DROSHA: variants seen among roughly 807,000 people sequenced by gnomAD.
The protein encoded by DROSHA is drosha ribonuclease III.
A neutral mutation model predicts 181.9 loss-of-function variants in DROSHA; 56 were observed. The observed-to-expected ratio is 0.31, with a 90% confidence interval of 0.25 to 0.38. The LOEUF (loss-of-function observed/expected upper bound fraction) is 0.38. Ranked by LOEUF, DROSHA falls within the 10% of genes least tolerant of loss-of-function variation. The pLI, the probability that DROSHA is intolerant of heterozygous loss-of-function variation, is 1.00. For synonymous variants in DROSHA, 524 were observed against 591.2 expected (o/e 0.89, Z 1.65); for missense variants, 1,218 against 1,743.5 (o/e 0.70, Z 5.37).
Position 31,449,276 on chromosome 5 carries a change from C to T in DROSHA, c.2821+5G>A, listed in dbSNP as rs1454527725. 1 of 1,613,758 alleles carries T rather than the reference C, an allele frequency of 6.2e-7. No individual in the cohort carries two copies. The highest frequency in any genetic ancestry group is 8.5e-7 in the Non-Finnish European group (1 of 1,179,786). On this transcript the variant is annotated splice_donor_5th_base_variant and intron_variant, in intron 22 of 35. Coordinates refer to ENST00000344624, the MANE Select transcript of DROSHA (RefSeq NM_001382508.1). ...GATTCACATCTTAAAATCATCCAGA[C>T]ATACCTTTCTTCCGCATGTGCATGT...
At chr5:31,475,919 A>C (rs1442270193) in intron 16 of DROSHA, among the ~76,000 whole-genome samples, 1 of 152,194 alleles carries the variant, frequency 6.6e-6, no homozygotes, top group Non-Finnish European at 1.5e-5. Context: ...GACTGGGGAG[A>C]GCAAATTTAA....
At chr5:31,432,812 T>G (rs1034012376) in intron 25 of DROSHA, among the ~76,000 whole-genome samples, 2 of 152,228 alleles carry the variant, frequency 1.3e-5, no homozygotes, top group Non-Finnish European at 2.9e-5. Flanking sequence ...TACTTTGATC[T>G]CTGTGGCTGC....
intron 24 of DROSHA, among the ~76,000 whole-genome samples, chr5:31,436,262 T>C (rs747431984): frequency 6.6e-6 from 1 of 152,128 alleles, no homozygotes; most frequent in Non-Finnish European, 1.5e-5. Flanking sequence ...ATTATGTCCA[T>C]CTTGTGAAAA....
intron 28 of DROSHA, 26 bp downstream of exon 28, chr5:31,424,401 A>T: frequency 6.3e-7 from 1 of 1,591,992 alleles, no homozygotes. Flanking sequence ...TATAAAGCTC[A>T]CTGCAGACAG....
intron 23 of DROSHA, among the ~76,000 whole-genome samples, chr5:31,441,381 A>G (rs776019979): frequency 6.6e-6 from 1 of 152,188 alleles, no homozygotes; most frequent in Non-Finnish European, 1.5e-5. Flanking sequence ...ATTGCACTCC[A>G]GCCTGGATGA....
intron 35 of DROSHA, among the ~76,000 whole-genome samples, chr5:31,404,825 CAAT>C (rs146602187): frequency 6.6e-6 from 1 of 151,762 alleles, no homozygotes; most frequent in East Asian, 1.9e-4. Context: ...AAATGTCCAC[CAAT>C]AATAAAAAGG....
chr5:31,525,429 A>G (rs2150063426), intron 5 of DROSHA, among the ~76,000 whole-genome samples: 1 of 143,440 alleles, frequency 7.0e-6, no homozygotes, highest in East Asian at 2.2e-4. Flanking sequence ...GCTTGAACCC[A>G]GGAGGTGGAG....
intron 35 of DROSHA, among the ~76,000 whole-genome samples, chr5:31,403,473 C>T (rs971659942): frequency 1.3e-5 from 2 of 152,096 alleles, no homozygotes; most frequent in African/African-American, 4.8e-5. Flanking sequence ...AATCATTACT[C>T]ATTGGGAAAG....
Position 31,515,047 on chromosome 5 carries a change from C to G in DROSHA, c.1231G>C (p.Val411Leu). The G allele has an allele frequency of 6.2e-7, 1 of 1,614,016 alleles. No individual in the cohort carries two copies. Among genetic ancestry groups the G allele is most frequent in the Middle Eastern group, 1.6e-4 (1 of 6,062 alleles). Reference protein sequence around the residue: ...EEEEEELLKPVWIRCTHSENY... With the variant: ...EEEEEELLKPLWIRCTHSENY... ...TCTGAATGAGTGCATCGAATCCACACAGGCTTAAGAAGTTCTTCTTCTTCC... is the reference window on the plus strand; with the variant it reads ...TCTGAATGAGTGCATCGAATCCACAGAGGCTTAAGAAGTTCTTCTTCTTCC... The change falls in exon 8 of 36, where the codon GTG becomes CTG. Residue 411 changes from valine to leucine, a missense_variant. By Grantham distance (32) the Val-to-Leu change is conservative. Transcript: ENST00000344624.
chr5:31,449,181 A>G, intron 22 of DROSHA, 100 bp downstream of exon 22: 1 of 1,465,468 alleles, frequency 6.8e-7, no homozygotes, highest in East Asian at 2.4e-5. Flanking sequence ...TGAGACGGTG[A>G]AAGAGTCACC....
At chr5:31,408,423 C>T (rs1322572249) in intron 33 of DROSHA, among the ~76,000 whole-genome samples, 1 of 152,174 alleles carries the variant, frequency 6.6e-6, no homozygotes, top group Non-Finnish European at 1.5e-5. Context: ...ATGTGTGTCT[C>T]AAGATAATTA....
intron 3 of DROSHA, 79 bp from the exon 4 acceptor site, chr5:31,529,184 A>T: frequency 3.9e-6 from 5 of 1,288,568 alleles, no homozygotes; most frequent in Middle Eastern, 1.9e-4. Context: ...TGCAATTACC[A>T]TAACACTAAT....
rs1742632322 is a variant in DROSHA at position 31,421,310 on chromosome 5, A to G, written c.3487T>C (p.Phe1163Leu). 1 of 1,613,618 alleles carries G rather than the reference A, an allele frequency of 6.2e-7. No individual in the cohort carries two copies. The highest frequency in any genetic ancestry group is 8.5e-7 in the Non-Finnish European group (1 of 1,179,724). Reference protein sequence around the residue: ...IMQLVATEYLFIHFPDHHEGH... With the variant: ...IMQLVATEYLLIHFPDHHEGH... The stretch of plus-strand genomic sequence containing the variant: ...TCATGATGATCTGGGAAATGAATGA[A>G]TAAGTACTCTGTGGCTACCAGTTGC... The change falls in exon 30 of 36, where the codon TTC (phenylalanine) becomes CTC (leucine). Residue 1163 changes from phenylalanine (F) to leucine (L), a missense_variant. Phe to Leu is a conservative substitution (Grantham distance 22). This residue lies in a region of DROSHA where 23 missense variants were observed against 90.6 expected (regional missense o/e 0.25). Coordinates refer to ENST00000344624, the MANE Select transcript of DROSHA (RefSeq NM_001382508.1).
chr5:31,471,335 A>G (rs1749695666), intron 17 of DROSHA, among the ~76,000 whole-genome samples: 1 of 152,160 alleles, frequency 6.6e-6, no homozygotes, highest in Admixed American at 6.5e-5. Flanking sequence ...ATAAAATTTT[A>G]TCCTTATAAG....
intron 24 of DROSHA, 102 bp downstream of exon 24, chr5:31,437,137 C>T: frequency 8.1e-7 from 1 of 1,238,836 alleles, no homozygotes; most frequent in Non-Finnish European, 1.1e-6. Flanking sequence ...CACGGTGTAT[C>T]AATGCCTTAT....
chr5:31,530,058 C>G (rs890831568), intron 3 of DROSHA, among the ~76,000 whole-genome samples: 3 of 152,094 alleles, frequency 2.0e-5, no homozygotes, highest in African/African-American at 7.2e-5. Flanking sequence ...TCAAATGGCT[C>G]ATGAAAATAA....
chr5:31,487,503 G>T (rs1025044935), intron 13 of DROSHA, among the ~76,000 whole-genome samples: 1 of 152,214 alleles, frequency 6.6e-6, no homozygotes, highest in Non-Finnish European at 1.5e-5. Context: ...GCAGAGAATT[G>T]GCTGGCTAGC....
chr5:31,486,045 C>T (rs902914745), intron 14 of DROSHA, among the ~76,000 whole-genome samples: 2 of 152,152 alleles, frequency 1.3e-5, no homozygotes, highest in Non-Finnish European at 2.9e-5. Context: ...CTGTTGAGCA[C>T]TCGCAATGAA....
chr5:31,511,231 A>T, intron 8 of DROSHA, 55 bp from the exon 9 acceptor site: 1 of 1,479,302 alleles, frequency 6.8e-7, no homozygotes, highest in Non-Finnish European at 9.2e-7. Flanking sequence ...ATCATATCAA[A>T]GATATGTAAG....
Sources: allele counts gnomAD v4.1 joint callset (sites outside exome capture counted in the v4.1 genomes callset), GRCh38; gene constraint gnomAD v4.1.1; regional missense constraint gnomAD v4.1.1; transcripts MANE v1.5; gene names NCBI Gene and HGNC (gene_info 2026-07-23, HGNC 2026-07-21).